Variants in NXPE2 observed in about 807,000 individuals in gnomAD.
NXPE2 encodes NXPE family member 2.
NXPE2 carries 34 observed loss-of-function variants against 34.4 expected under a neutral mutation model. That is an observed-to-expected ratio of 0.99 (90% CI 0.75 to 1.31). NXPE2 has a LOEUF of 1.31. Among genes scored for constraint, NXPE2 ranks in the 40% most tolerant of loss-of-function variants. The pLI, the probability that NXPE2 is intolerant of heterozygous loss-of-function variation, is 0.00. For missense variants in NXPE2, 649 were observed against 672.5 expected (o/e 0.97, Z 0.39); for synonymous variants, 235 against 231.3 (o/e 1.02, Z -0.15).
the NXPE2 span, among the ~76,000 whole-genome samples, chr11:114,603,585 C>A: frequency 2.0e-5 from 3 of 151,184 alleles, no homozygotes; most frequent in Non-Finnish European, 3.0e-5. Context: ...TCCTAGGTAA[C>A]TCCTATTACC....
chr11:114,758,880 A>G, the NXPE2 span, among the ~76,000 whole-genome samples: 1 of 149,546 alleles, frequency 6.7e-6, no homozygotes, highest in African/African-American at 2.4e-5. Flanking sequence ...TTTAAAATAT[A>G]AACGTATATA....
chr11:114,472,361 TACACTA>T, the NXPE2 span, among the ~76,000 whole-genome samples: 1 of 151,830 alleles, frequency 6.6e-6, no homozygotes, highest in Admixed American at 6.6e-5. Flanking sequence ...ACACATAAAA[TACACTA>T]ACACTAATGA....
the NXPE2 span, among the ~76,000 whole-genome samples, chr11:114,644,808 C>A: frequency 6.6e-6 from 1 of 151,360 alleles, no homozygotes; most frequent in Non-Finnish European, 1.5e-5. Flanking sequence ...TGGAGCCCAC[C>A]CTGCCAGATA....
the NXPE2 span, among the ~76,000 whole-genome samples, chr11:114,782,709 G>A: frequency 6.6e-6 from 1 of 152,062 alleles, no homozygotes; most frequent in Non-Finnish European, 1.5e-5. Context: ...CCACAGACAG[G>A]GTCCTAAGGA....
chr11:114,470,623 G>A, the NXPE2 span, among the ~76,000 whole-genome samples: 12 of 139,592 alleles, frequency 8.6e-5, no homozygotes, highest in South Asian at 2.2e-3. Flanking sequence ...GTGTGTGTGT[G>A]TATACAGAGA....
At chr11:114,535,035 G>T in the NXPE2 span, among the ~76,000 whole-genome samples, 1 of 151,074 alleles carries the variant, frequency 6.6e-6, no homozygotes, top group African/African-American at 2.4e-5. Context: ...CAGAGAGAAA[G>T]GTCGGGTTAC....
the NXPE2 span, among the ~76,000 whole-genome samples, chr11:114,659,895 T>G: frequency 6.6e-6 from 1 of 151,990 alleles, no homozygotes; most frequent in Non-Finnish European, 1.5e-5. Context: ...TAATTCTTTG[T>G]AAAGATCAAT....
chr11:114,768,658 A>G, the NXPE2 span, among the ~76,000 whole-genome samples: 1 of 152,010 alleles, frequency 6.6e-6, no homozygotes, highest in African/African-American at 2.4e-5. Context: ...TAGGTATTTT[A>G]TTCTCTTTGT....
rs192400051 is a variant in NXPE2 at position 114,682,157 on chromosome 11, T to C, written c.132+2395T>C. 1.5e-3 allele frequency among the ~76,000 whole-genome samples: 222 copies of C among 152,288 alleles called. 1 individual carries two copies. The highest frequency in any genetic ancestry group is 2.2e-3 in the Non-Finnish European group (152 of 68,010). On this transcript the variant is annotated intron_variant, in intron 2 of 5. Transcript: ENST00000389586. Reference sequence around the variant, plus strand: ...TTATTTTCCAAAATTGTATAAACAATCTATAACATTTTCATCCTGATCATA... The same window carrying C: ...TTATTTTCCAAAATTGTATAAACAACCTATAACATTTTCATCCTGATCATA...
chr11:114,724,668 A>G, the NXPE2 span, among the ~76,000 whole-genome samples: 1 of 151,418 alleles, frequency 6.6e-6, no homozygotes, highest in Non-Finnish European at 1.5e-5. Context: ...TCCATTGCAC[A>G]CCCCCCGCCA....
the NXPE2 span, among the ~76,000 whole-genome samples, chr11:114,643,262 T>C: frequency 6.6e-6 from 1 of 152,150 alleles, no homozygotes; most frequent in Non-Finnish European, 1.5e-5. Context: ...TTAGTTTAAT[T>C]AGATCCCATT....
the NXPE2 span, among the ~76,000 whole-genome samples, chr11:114,649,242 G>T: frequency 6.6e-6 from 1 of 151,932 alleles, no homozygotes; most frequent in Non-Finnish European, 1.5e-5. Context: ...CTTAATCTTA[G>T]GGCATGGTAA....
chr11:114,795,409 G>T, the NXPE2 span, among the ~76,000 whole-genome samples: 3 of 152,168 alleles, frequency 2.0e-5, no homozygotes, highest in Admixed American at 6.5e-5. Context: ...CTCTTTCAGG[G>T]TTATGGGGTT....
At chr11:114,724,890 G>GTTTT in the NXPE2 span, among the ~76,000 whole-genome samples, 340 of 90,918 alleles carry the variant, frequency 3.7e-3, 2 homozygotes, top group African/African-American at 0.013. Flanking sequence ...TTCAGAAATG[G>GTTTT]TTTTTTTTTT....
At chr11:114,614,153 T>C in the NXPE2 span, among the ~76,000 whole-genome samples, 1 of 150,344 alleles carries the variant, frequency 6.7e-6, no homozygotes. Flanking sequence ...TGCTGCCTCA[T>C]GGGTACCAAC....
At chr11:114,713,650 G>A in the NXPE2 span, among the ~76,000 whole-genome samples, 2 of 152,250 alleles carry the variant, frequency 1.3e-5, no homozygotes, top group African/African-American at 4.8e-5. Context: ...TTCAAGGGTC[G>A]ACTGTTGTCT....
the NXPE2 span, among the ~76,000 whole-genome samples, chr11:114,724,541 A>G: frequency 6.6e-6 from 1 of 152,076 alleles, no homozygotes; most frequent in African/African-American, 2.4e-5. Flanking sequence ...TCCTTTGCAG[A>G]GTTTTTAAGC....
chr11:114,521,012 C>A, the NXPE2 span, among the ~76,000 whole-genome samples: 1 of 152,144 alleles, frequency 6.6e-6, no homozygotes, highest in African/African-American at 2.4e-5. Context: ...TAAAAAAGTT[C>A]ATTCACTGAT....
chr11:114,630,625 T>C, the NXPE2 span, among the ~76,000 whole-genome samples: 4 of 151,418 alleles, frequency 2.6e-5, no homozygotes, highest in Non-Finnish European at 5.9e-5. Flanking sequence ...AAGGACTTCA[T>C]GTCTAAAACA....
Sources: gnomAD v4.1 joint callset for allele counts (sites outside exome capture counted in the v4.1 genomes callset) on GRCh38, gnomAD v4.1.1 for gene constraint, MANE v1.5 for transcripts, NCBI Gene and HGNC (gene_info 2026-07-23, HGNC 2026-07-21) for gene names.